The following FILIP1L variants were observed in gnomAD, a reference collection of about 807,000 sequenced individuals.
The protein encoded by FILIP1L is filamin A-interacting protein 1-like.
FILIP1L carries 55 observed loss-of-function variants against 96.6 expected under a neutral mutation model. The ratio of observed to expected loss-of-function variants is 0.57; its 90% CI spans 0.46 to 0.71. The LOEUF (loss-of-function observed/expected upper bound fraction) is 0.71, where lower values mean the gene tolerates loss of function less well. FILIP1L is among the 30% of genes least tolerant of loss of function. FILIP1L has a pLI of 0.00. For synonymous variants in FILIP1L, 467 were observed against 473.9 expected (o/e 0.99, Z 0.19); for missense variants, 1,304 against 1,321.2 (o/e 0.99, Z 0.20).
chr3:99,924,570 G>A (rs1374788371), intron 3 of FILIP1L, among the ~76,000 whole-genome samples, 162 bp from the exon 4 acceptor site: 1 of 152,184 alleles, frequency 6.6e-6, no homozygotes, highest in Non-Finnish European at 1.5e-5. Context: ...CCAGGCTGGA[G>A]TGCAATGGCG....
intron 1 of FILIP1L, among the ~76,000 whole-genome samples, chr3:99,937,661 A>G (rs1707721860): frequency 6.6e-6 from 1 of 152,198 alleles, no homozygotes; most frequent in South Asian, 2.1e-4. Context: ...CCCATGTCCT[A>G]CAGAGTTGGA....
intron 1 of FILIP1L, among the ~76,000 whole-genome samples, chr3:99,955,539 A>G (rs937700305): frequency 6.6e-6 from 1 of 152,184 alleles, no homozygotes; most frequent in African/African-American, 2.4e-5. Context: ...GTTCCCAGCA[A>G]TGCTTGAGAA....
rs568615335 is a variant in FILIP1L at position 99,974,378 on chromosome 3, C to A, written c.-10-43348G>T. 2.0e-5 allele frequency among the ~76,000 whole-genome samples: 3 copies of A among 152,234 alleles called. No homozygotes were observed. The East Asian group carries it at 5.8e-4, about 29-fold the overall frequency. On this transcript the variant is annotated intron_variant, in intron 1 of 5. Transcript: ENST00000477258. ...GCCCATTTCTTACCTTGTTGACTGT[C>A]ACTATCAGGTCAAAAAACTTAGAAA...
chr3:99,840,157 T>C (rs1024840743), intron 5 of FILIP1L, among the ~76,000 whole-genome samples: 17 of 151,556 alleles, frequency 1.1e-4, no homozygotes, highest in Non-Finnish European at 1.6e-4. Context: ...AGTCCTAAAG[T>C]TGAAAGAATA....
At chr3:100,092,259 A>G (rs1238538776) in intron 1 of FILIP1L, among the ~76,000 whole-genome samples, 1 of 152,224 alleles carries the variant, frequency 6.6e-6, no homozygotes, top group Non-Finnish European at 1.5e-5. Context: ...GTGATTGGAA[A>G]TAGTTGACAT....
At chr3:100,102,076 AACAT>A (rs1167795241) in intron 1 of FILIP1L, among the ~76,000 whole-genome samples, 1 of 152,224 alleles carries the variant, frequency 6.6e-6, no homozygotes, top group Non-Finnish European at 1.5e-5. Flanking sequence ...TGCCACAATA[AACAT>A]ACGTGTGCAT....
In FILIP1L at chr3:99,934,564, C is replaced by T. The variant is rs6787184; in HGVS notation, c.-10-3534G>A. ...ATGAGAATTTCTCTGCCCTCATCAA[C>T]TTAATCTAGGATATCCCTTCCAGAA... On this transcript the variant is annotated intron_variant, in intron 1 of 5. Coordinates refer to ENST00000477258, the MANE Select transcript of FILIP1L (RefSeq NM_001387850.1). 4.3e-3 allele frequency among the ~76,000 whole-genome samples: 662 copies of T among 152,290 alleles called. 7 individuals carry two copies. The highest frequency in any genetic ancestry group is 0.016 in the African/African-American group (649 of 41,546).
chr3:100,080,693 A>G (rs919492692), intron 1 of FILIP1L, among the ~76,000 whole-genome samples: 2 of 152,222 alleles, frequency 1.3e-5, no homozygotes, highest in Admixed American at 6.5e-5. Flanking sequence ...GGTTTGTCAC[A>G]TGATTAGAAT....
chr3:100,049,895 G>A (rs1010907206), intron 1 of FILIP1L, among the ~76,000 whole-genome samples: 1 of 152,120 alleles, frequency 6.6e-6, no homozygotes, highest in East Asian at 1.9e-4. Context: ...TAAGCTACTA[G>A]TAGTTAAGTT....
At chr3:100,050,094 C>T (rs2065344733) in intron 1 of FILIP1L, among the ~76,000 whole-genome samples, 1 of 152,130 alleles carries the variant, frequency 6.6e-6, no homozygotes. Context: ...CACAGACTCA[C>T]CTGTGGAATG....
chr3:100,095,867 C>T (rs1044174960), intron 1 of FILIP1L, among the ~76,000 whole-genome samples: 3 of 152,058 alleles, frequency 2.0e-5, no homozygotes, highest in Admixed American at 2.0e-4. Flanking sequence ...TTGCAAACTA[C>T]CCATCTGACA....
chr3:99,979,895 C>T lies in FILIP1L; in HGVS notation c.-10-48865G>A, dbSNP rs555248216. On this transcript the variant is annotated intron_variant, in intron 1 of 5. Coordinates refer to ENST00000477258, the MANE Select transcript of FILIP1L (RefSeq NM_001387850.1). ...GTGTATTGTCTTAAAAGAGAGAGAG[C>T]GGGACAAAGTGCTGTGAAGGGTGAG... Among the ~76,000 whole-genome samples the T allele has an allele frequency of 2.6e-5, 4 of 152,030 alleles. No individual in the cohort carries two copies. The South Asian group carries it at 6.2e-4, about 24-fold the overall frequency.
intron 1 of FILIP1L, among the ~76,000 whole-genome samples, chr3:100,054,432 C>T (rs921784537): frequency 2.0e-5 from 3 of 152,118 alleles, no homozygotes; most frequent in Non-Finnish European, 1.5e-5. Context: ...GGAGCACGTA[C>T]TCTTGCCTGC....
intron 1 of FILIP1L, among the ~76,000 whole-genome samples, chr3:99,939,962 T>C (rs1469651969): frequency 6.6e-6 from 1 of 152,248 alleles, no homozygotes; most frequent in African/African-American, 2.4e-5. Context: ...GTTTCTTGTT[T>C]TCTACGTGCT....
intron 4 of FILIP1L, among the ~76,000 whole-genome samples, chr3:99,879,331 G>A (rs1329389227): frequency 6.6e-6 from 1 of 152,146 alleles, no homozygotes; most frequent in African/African-American, 2.4e-5. Context: ...CAGTTTCCCT[G>A]GTTCGAGCTA....
intron 1 of FILIP1L, among the ~76,000 whole-genome samples, chr3:100,111,131 T>G (rs1002639649): frequency 6.6e-6 from 1 of 152,160 alleles, no homozygotes; most frequent in African/African-American, 2.4e-5. Context: ...TATATCTCTT[T>G]TAGCAACTAA....
At chr3:100,110,035 A>G (rs1052991002) in intron 1 of FILIP1L, 4 of 151,712 alleles carry the variant, frequency 2.6e-5, no homozygotes, top group African/African-American at 9.7e-5. Flanking sequence ...GTCATCTGAA[A>G]TAGAACCAGC....
intron 4 of FILIP1L, among the ~76,000 whole-genome samples, chr3:99,862,750 C>G (rs578150722): frequency 9.2e-5 from 14 of 152,312 alleles, no homozygotes; most frequent in Non-Finnish European, 1.5e-4. Context: ...TTCGTTGTCT[C>G]TGGCCTGTAT....
rs1943542369 is a variant in FILIP1L, at chr3:99,849,389, C to G, written c.2287G>C (p.Glu763Gln). 3.7e-6 allele frequency: 6 copies of G among 1,614,222 alleles called. No homozygotes were observed. The highest frequency in any genetic ancestry group is 5.1e-6 in the Non-Finnish European group (6 of 1,180,046). ...AACTCCTTAGTGAGGTTTTCAATCT[C>G]TCTTCCTAAATCTCTGTTCCTGTTT... ...QENRNRDLGR[E>Q]IENLTKELER... Residue 763 changes from glutamate to glutamine, a missense_variant, in exon 5 of 6, where the codon GAG becomes CAG. Glu to Gln is a conservative substitution (Grantham distance 29, BLOSUM62 2). Coordinates refer to ENST00000477258, the MANE Select transcript of FILIP1L (RefSeq NM_001387850.1).
Sources: allele counts gnomAD v4.1 joint callset (sites outside exome capture counted in the v4.1 genomes callset), GRCh38; gene constraint gnomAD v4.1.1; transcripts MANE v1.5; gene names NCBI Gene and HGNC (gene_info 2026-07-23, HGNC 2026-07-21).